Variants in COX4I1 observed in about 807,000 individuals in gnomAD.
COX4I1 encodes cytochrome c oxidase subunit 4I1.
In COX4I1, 18 loss-of-function variants were observed where a neutral mutation model predicts 21.7. The observed-to-expected ratio is 0.83, with a 90% confidence interval of 0.57 to 1.23. The LOEUF is 1.23. Among genes scored for constraint, COX4I1 ranks in the 50% most tolerant of loss-of-function variants. The probability of loss-of-function intolerance (pLI) is 0.00; values close to 1 mark genes in which losing one functional copy is unlikely to be tolerated. For missense variants in COX4I1, 238 were observed against 220.7 expected, an observed-to-expected ratio of 1.08 and a Z score of -0.50; for synonymous variants, 100 against 81.5, an observed-to-expected ratio of 1.23 and a Z score of -1.23.
At chr16:85,803,312 T>C (rs1248506855) in intron 2 of COX4I1, 2 of 152,192 alleles carry the variant, frequency 1.3e-5, no homozygotes, top group East Asian at 3.8e-4. Flanking sequence ...AAGTATAAGT[T>C]TGTAAGTATG....
chr16:85,802,124 A>G (rs1202977960), intron 2 of COX4I1, among the ~76,000 whole-genome samples: 3 of 152,086 alleles, frequency 2.0e-5, no homozygotes, highest in Non-Finnish European at 2.9e-5. Context: ...AAACCCAAAA[A>G]CTACCATCAG....
chr16:85,801,837 G>A (rs1905788848), intron 2 of COX4I1, among the ~76,000 whole-genome samples: 1 of 152,062 alleles, frequency 6.6e-6, no homozygotes, highest in Non-Finnish European at 1.5e-5. Flanking sequence ...TATCTACTTT[G>A]TACCAGACAC....
Position 85,805,004 on chromosome 16 carries a change from G to T in COX4I1, c.141G>T (p.Pro47=), listed in dbSNP as rs762932616. ...AYMDRRDHPL[P]EVAHVKHLSA... is the part of the protein sequence containing the mutation. ...TGGATCGGCGTGACCACCCCTTGCCGGAGGTGGCCCATGTCAAGCACCTGT... is the reference window on the plus strand; with the variant it reads ...TGGATCGGCGTGACCACCCCTTGCCTGAGGTGGCCCATGTCAAGCACCTGT... The change falls in exon 3 of 5, where the codon CCG becomes CCT. Residue 47 remains proline (P), a synonymous_variant. Transcript: ENST00000253452. 3 of 1,614,124 alleles carry T rather than the reference G, an allele frequency of 1.9e-6. No individual in the cohort carries two copies. The Admixed American group carries it at 5.0e-5, about 27-fold the overall frequency.
chr16:85,800,426 G>A (rs1414016187), intron 1 of COX4I1, among the ~76,000 whole-genome samples: 5 of 152,186 alleles, frequency 3.3e-5, no homozygotes, highest in Non-Finnish European at 5.9e-5. Context: ...TGTGTTGGCA[G>A]CCTTCTCCAA....
chr16:85,802,568 C>A (rs1159609392), intron 2 of COX4I1, among the ~76,000 whole-genome samples: 1 of 152,100 alleles, frequency 6.6e-6, no homozygotes, highest in African/African-American at 2.4e-5. Flanking sequence ...GATATTAAAG[C>A]AGTCTGGAAT....
At position 85,805,786 on chromosome 16, in the gene COX4I1, G is replaced by A; in HGVS notation, c.295G>A (p.Glu99Lys). The A allele has an allele frequency of 5.6e-6, 9 of 1,614,244 alleles. No homozygotes were observed. Among genetic ancestry groups the A allele is most frequent in the Non-Finnish European group, 7.6e-6 (9 of 1,180,052 alleles). Reference sequence around the variant, plus strand: ...TGCTGAGATGAACAGGGGCTCGAACGAGTGGAAGACGGTTGTGGGCGGTGC... The same window carrying A: ...TGCTGAGATGAACAGGGGCTCGAACAAGTGGAAGACGGTTGTGGGCGGTGC... The part of the protein sequence containing the change: ...SFAEMNRGSN[E>K]WKTVVGGAMF... The change falls in exon 4 of 5, where the codon GAG becomes AAG. Residue 99 changes from glutamate to lysine, a missense_variant. Transcript: ENST00000253452.
chr16:85,806,679 A>T, intron 4 of COX4I1, 59 bp from the exon 5 acceptor site: 1 of 1,613,670 alleles, frequency 6.2e-7, no homozygotes, highest in Non-Finnish European at 8.5e-7. Flanking sequence ...TGTGTGAGGG[A>T]TTGGCCTAGA....
intron 4 of COX4I1, 60 bp from the exon 5 acceptor site, chr16:85,806,678 G>A: frequency 1.9e-6 from 3 of 1,613,726 alleles, no homozygotes; most frequent in Non-Finnish European, 2.5e-6. Flanking sequence ...CTGTGTGAGG[G>A]ATTGGCCTAG....
chr16:85,805,734 G>T lies in COX4I1; in HGVS notation c.243G>T (p.Leu81Phe). Residue 81 changes from leucine to phenylalanine, a missense_variant and splice_region_variant, in exon 4 of 5, where the codon TTG (leucine) becomes TTT (phenylalanine). Physicochemically the swap from Leu to Phe is conservative, Grantham distance 22. Coordinates refer to ENST00000253452, the MANE Select transcript of COX4I1 (RefSeq NM_001861.6). The part of the protein sequence containing the change: ...SSLSMDEKVE[L>F]YRIKFKESFA... ...AATGGCTGTCCTCTCTGCCCCCAGTGTATCGCATTAAGTTCAAGGAGAGCT... is the reference window on the plus strand; with the variant it reads ...AATGGCTGTCCTCTCTGCCCCCAGTTTATCGCATTAAGTTCAAGGAGAGCT... The T allele has an allele frequency of 6.2e-7, 1 of 1,614,226 alleles. No individual in the cohort carries two copies. Among genetic ancestry groups the T allele is most frequent in the Non-Finnish European group, 8.5e-7 (1 of 1,180,008 alleles).
chr16:85,803,710 T>G (rs753139248), intron 2 of COX4I1: 2 of 152,238 alleles, frequency 1.3e-5, no homozygotes, highest in Admixed American at 6.5e-5. Context: ...GTTTGTGGCT[T>G]GCCTTGTCTG....
Position 85,806,900 on chromosome 16 carries a change from G to C in COX4I1, c.*26G>C. On this transcript the variant is annotated 3_prime_UTR_variant, in exon 5 of 5. Transcript: ENST00000253452. ...GAGATGCTGGCCTGCGCCTGCACCT[G>C]CGCCTGGCTCTGTCACCGCCATGCA... The C allele has an allele frequency of 6.2e-7, 1 of 1,600,332 alleles. No homozygotes were observed.
At chr16:85,806,290 G>C in intron 4 of COX4I1, 1 of 606,410 alleles carries the variant, frequency 1.6e-6, no homozygotes, top group African/African-American at 1.8e-5. Flanking sequence ...GATAGTTTGT[G>C]TGTGGGCATT....
intron 4 of COX4I1, chr16:85,806,233 G>T: frequency 1.7e-6 from 1 of 595,696 alleles, no homozygotes; most frequent in South Asian, 2.1e-5. Flanking sequence ...TGTCTGGACT[G>T]TTGTGAGGAC....
At chr16:85,802,381 C>G (rs1356822211) in intron 2 of COX4I1, among the ~76,000 whole-genome samples, 2 of 152,224 alleles carry the variant, frequency 1.3e-5, no homozygotes, top group Non-Finnish European at 2.9e-5. Flanking sequence ...CTGTCTCAGC[C>G]TCTTAGAGTG....
intron 1 of COX4I1, 120 bp from the exon 2 acceptor site, chr16:85,801,085 G>C: frequency 2.8e-6 from 2 of 714,242 alleles, no homozygotes; most frequent in Admixed American, 2.2e-5. Context: ...ATAAAGAATG[G>C]ATCATTTGCG....
intron 3 of COX4I1, chr16:85,805,464 C>T: frequency 1.7e-6 from 1 of 574,862 alleles, no homozygotes; most frequent in Non-Finnish European, 3.1e-6. Context: ...GACCCTAATA[C>T]TGTAATTCAA....
intron 4 of COX4I1, chr16:85,806,203 G>A: frequency 1.7e-6 from 1 of 589,108 alleles, no homozygotes; most frequent in South Asian, 2.1e-5. Flanking sequence ...AAGGATAAGG[G>A]GACTCATTCA....
intron 3 of COX4I1, chr16:85,805,361 G>A (rs1044834367): frequency 3.8e-6 from 2 of 524,636 alleles, no homozygotes; most frequent in African/African-American, 3.8e-5. Flanking sequence ...TATCTGCTGG[G>A]TAAGACATAG....
chr16:85,800,036 C>T (rs568033425), intron 1 of COX4I1, among the ~76,000 whole-genome samples: 1 of 152,186 alleles, frequency 6.6e-6, no homozygotes, highest in African/African-American at 2.4e-5. Context: ...GCCGAGGGCT[C>T]AGGCTGCGGG....
Sources: allele counts gnomAD v4.1 joint callset (sites outside exome capture counted in the v4.1 genomes callset), GRCh38; gene constraint gnomAD v4.1.1; transcripts MANE v1.5; gene names NCBI Gene and HGNC (gene_info 2026-07-23, HGNC 2026-07-21).